The following AZI2 variants were observed in gnomAD, a reference collection of about 807,000 sequenced individuals.
AZI2 encodes 5-azacytidine induced 2.
Under a neutral mutation model 45.8 loss-of-function variants are expected in AZI2, and 22 were observed. That is an observed-to-expected ratio of 0.48 (90% CI 0.34 to 0.69). The LOEUF is 0.69. AZI2 is among the 30% of genes least tolerant of loss of function. AZI2 has a pLI of 0.01. For missense variants in AZI2, 417 were observed against 441.5 expected, an observed-to-expected ratio of 0.94 and a Z score of 0.50; for synonymous variants, 137 against 156.7, an observed-to-expected ratio of 0.87 and a Z score of 0.94.
chr3:28,334,139 T>TA (rs1451349747), intron 5 of AZI2, among the ~76,000 whole-genome samples: 1 of 151,672 alleles, frequency 6.6e-6, no homozygotes, highest in South Asian at 2.1e-4. Flanking sequence ...ACTAAATATT[T>TA]AAAAAACAAA....
chr3:28,344,959 A>G (rs1186607854), intron 1 of AZI2, among the ~76,000 whole-genome samples: 2 of 152,142 alleles, frequency 1.3e-5, no homozygotes, highest in Non-Finnish European at 2.9e-5. Context: ...GATGAAAATC[A>G]GTAATAAATG....
chr3:28,337,739 A>C (rs187698774), intron 4 of AZI2, among the ~76,000 whole-genome samples, 198 bp downstream of exon 4: 3 of 152,296 alleles, frequency 2.0e-5, no homozygotes, highest in Non-Finnish European at 1.5e-5. Context: ...TTCTCTAGGA[A>C]AAGTGCAATA....
In AZI2 at chr3:28,332,437, G is replaced by GT. The variant is rs1216597995; in HGVS notation, c.589-11dup. 6 of 1,603,110 alleles carry GT rather than the reference G, an allele frequency of 3.7e-6. No homozygotes were observed. Among genetic ancestry groups the GT allele is most frequent in the South Asian group, 1.1e-5 (1 of 90,596 alleles). ...CTTCCTGATATGGATCCTGTCATTT[G>GT]TTTAAAAAAAAGAAGTTTAAAAGTT... On this transcript the variant is annotated splice_polypyrimidine_tract_variant and intron_variant, in intron 5 of 7. Transcript: ENST00000479665.
chr3:28,336,066 CAT>C (rs1703776121), intron 5 of AZI2, among the ~76,000 whole-genome samples: 1 of 152,042 alleles, frequency 6.6e-6, no homozygotes, highest in Non-Finnish European at 1.5e-5. Context: ...TGTCTGAAAA[CAT>C]AGATCCAAGC....
intron 1 of AZI2, among the ~76,000 whole-genome samples, chr3:28,345,373 T>C (rs1337611405): frequency 6.6e-6 from 1 of 152,132 alleles, no homozygotes; most frequent in Non-Finnish European, 1.5e-5. Context: ...TAGAAAGTAA[T>C]TTCACATTCA....
chr3:28,332,004 C>T, intron 6 of AZI2: 1 of 1,103,370 alleles, frequency 9.1e-7, no homozygotes, highest in Non-Finnish European at 1.3e-6. Context: ...ATCCCAAAGA[C>T]TAACAATGGC....
chr3:28,338,029 T>A lies in AZI2; in HGVS notation c.347A>T (p.Asp116Val). The A allele has an allele frequency of 6.4e-7, 1 of 1,568,854 alleles. No homozygotes were observed. Among genetic ancestry groups the A allele is most frequent in the Admixed American group, 1.7e-5 (1 of 57,268 alleles). The change falls in exon 4 of 8, where the codon GAC (aspartate) becomes GTC (valine). Residue 116 changes from aspartate to valine, a missense_variant. Coordinates refer to ENST00000479665, the MANE Select transcript of AZI2 (RefSeq NM_022461.5). Reference sequence around the variant, plus strand: ...CAATACTTTCAAAGATTCAGAGTTGTCTTTATTCTAGTTAAGTAGGGAAAA... The same window carrying A: ...CAATACTTTCAAAGATTCAGAGTTGACTTTATTCTAGTTAAGTAGGGAAAA... ...LKSKLDKMNK[D>V]NSESLKVLNE...
At chr3:28,328,532 C>T (rs948426100) in intron 6 of AZI2, among the ~76,000 whole-genome samples, 2 of 151,010 alleles carry the variant, frequency 1.3e-5, no homozygotes, top group African/African-American at 4.8e-5. Context: ...CTAAAATACA[C>T]AGCTAGGCAT....
Position 28,323,851 on chromosome 3 carries a change from AG to A in AZI2, c.*190del, listed in dbSNP as rs1703273688. 2 of 527,442 alleles carry A rather than the reference AG, an allele frequency of 3.8e-6. No individual in the cohort carries two copies. The highest frequency in any genetic ancestry group is 3.8e-5 in the African/African-American group (2 of 52,450). The allele number at this position is 527,442 out of a possible 1,614,324, so 32.7% of individuals were successfully genotyped here. On this transcript the variant is annotated 3_prime_UTR_variant, in exon 8 of 8. Transcript: ENST00000479665. The stretch of plus-strand genomic sequence containing the variant: ...TCAGATTCTTAGAATATGGAGCTAG[AG>A]GGTGCTCTTTCATACTAGAAAACCA...
intron 6 of AZI2, chr3:28,331,828 A>G (rs1009801807): frequency 6.5e-7 from 1 of 1,538,788 alleles, no homozygotes; most frequent in Non-Finnish European, 8.8e-7. Context: ...TTGAGGAAAA[A>G]GGGTTGAAAA....
intron 6 of AZI2, among the ~76,000 whole-genome samples, chr3:28,329,244 C>T (rs927545801): frequency 6.6e-6 from 1 of 151,092 alleles, no homozygotes; most frequent in African/African-American, 2.4e-5. Context: ...AGTGAGTAAC[C>T]TCATTTTACA....
intron 5 of AZI2, among the ~76,000 whole-genome samples, chr3:28,334,796 A>G (rs1450399518): frequency 6.6e-6 from 1 of 151,962 alleles, no homozygotes; most frequent in African/African-American, 2.4e-5. Flanking sequence ...TAAATACCTA[A>G]AAGTACTGCC....
intron 7 of AZI2, 37 bp from the exon 8 acceptor site, chr3:28,324,491 T>C: frequency 2.1e-6 from 3 of 1,415,270 alleles, no homozygotes; most frequent in Non-Finnish European, 1.9e-6. Flanking sequence ...CAGTTTTCAT[T>C]ACATTTGTGA....
intron 6 of AZI2, chr3:28,331,731 A>G (rs1703580436): frequency 7.1e-7 from 1 of 1,399,944 alleles, no homozygotes; most frequent in African/African-American, 1.5e-5. Flanking sequence ...AACAATGTAG[A>G]GAGGCTATCT....
chr3:28,333,026 T>A (rs1352780747), intron 5 of AZI2, among the ~76,000 whole-genome samples: 2 of 151,814 alleles, frequency 1.3e-5, no homozygotes, highest in Non-Finnish European at 2.9e-5. Context: ...TTTAAATGAC[T>A]TAGTATGTTT....
At chr3:28,342,243 G>A (rs1704045342) in intron 1 of AZI2, among the ~76,000 whole-genome samples, 1 of 151,924 alleles carries the variant, frequency 6.6e-6, no homozygotes, top group South Asian at 2.1e-4. Context: ...TATAAGAAAG[G>A]CAGGTTAAAA....
chr3:28,346,028 C>T (rs540939561), intron 1 of AZI2, among the ~76,000 whole-genome samples: 2 of 152,170 alleles, frequency 1.3e-5, no homozygotes, highest in South Asian at 2.1e-4. Context: ...AAGTTAAATA[C>T]CTTACCTATA....
chr3:28,345,111 C>T (rs1704173614), intron 1 of AZI2, among the ~76,000 whole-genome samples: 1 of 152,104 alleles, frequency 6.6e-6, no homozygotes, highest in Non-Finnish European at 1.5e-5. Context: ...AATACTGATT[C>T]CTAGCTTCCA....
At position 28,324,285 on chromosome 3, in the gene AZI2, C is replaced by T. The variant is rs777885154; in HGVS notation, c.936G>A (p.Glu312=). The change falls in exon 8 of 8, where the codon GAG becomes GAA. Residue 312 remains glutamate (E), a synonymous_variant. Transcript: ENST00000479665. ...PLPGDVKVLS[E]KAILQSWTDN... is the part of the protein sequence containing the mutation. ...CTGTCCATGATTGGAGGATTGCTTT[C>T]TCTGATAAAACCTTTACATCTCCTG... 6.2e-7 allele frequency: 1 copy of T among 1,608,722 alleles called. No individual in the cohort carries two copies. The highest frequency in any genetic ancestry group is 8.5e-7 in the Non-Finnish European group (1 of 1,176,470).
Sources: allele counts gnomAD v4.1 joint callset (sites outside exome capture counted in the v4.1 genomes callset), GRCh38; gene constraint gnomAD v4.1.1; transcripts MANE v1.5; gene names NCBI Gene and HGNC (gene_info 2026-07-23, HGNC 2026-07-21).